HMGN5: variants seen among roughly 807,000 people sequenced by gnomAD.
HMGN5 encodes high mobility group nucleosome binding domain 5.
HMGN5 carries 4 observed loss-of-function variants against 9.5 expected under a neutral mutation model. The observed-to-expected ratio is 0.42, with a 90% CI of 0.21 to 0.96. HMGN5 has a LOEUF of 0.96. Ranked by LOEUF, HMGN5 falls within the 40% of genes least tolerant of loss-of-function variation. HMGN5 has a pLI of 0.30. For synonymous variants in HMGN5, 55 were observed against 57.1 expected (o/e 0.96, Z 0.16); for missense variants, 192 against 187.5 (o/e 1.02, Z -0.14).
At chrX:81,139,026 T>A (rs1430605134) in intron 1 of HMGN5, among the ~76,000 whole-genome samples, 1 of 112,081 alleles carries the variant, frequency 8.9e-6, no homozygotes, top group Non-Finnish European at 1.9e-5. Context: ...ACTCAGTATA[T>A]AAAAGATGTC....
chrX:81,171,645 T>A (rs778339197), intron 1 of HMGN5, among the ~76,000 whole-genome samples: 2 of 111,901 alleles, frequency 1.8e-5, no homozygotes, highest in East Asian at 5.6e-4. Context: ...GTTAAAGGTA[T>A]ACAACTGGAA....
At chrX:81,144,454 C>A (rs1395499808) in intron 1 of HMGN5, among the ~76,000 whole-genome samples, 1 of 110,408 alleles carries the variant, frequency 9.1e-6, no homozygotes, top group Admixed American at 9.7e-5. Context: ...ATAGCATCAA[C>A]ATCAACAAAA....
Position 81,118,488 on chromosome X carries a change from G to T in HMGN5, c.76-3C>A, listed in dbSNP as rs763468072. The T allele has an allele frequency of 8.6e-7, 1 of 1,168,529 alleles. No individual in the cohort carries two copies. Among genetic ancestry groups the T allele is most frequent in the Admixed American group, 2.4e-5 (1 of 41,571 alleles). On this transcript the variant is annotated splice_region_variant and splice_polypyrimidine_tract_variant and intron_variant, in intron 4 of 6. Coordinates refer to ENST00000358130, the MANE Select transcript of HMGN5 (RefSeq NM_030763.3). Reference sequence around the variant, plus strand: ...TCTGGTGTAACTGGCACAAGCATCTGCTTCAAGTTGTGGGAAAAGAAAAGA... The same window carrying T: ...TCTGGTGTAACTGGCACAAGCATCTTCTTCAAGTTGTGGGAAAAGAAAAGA...
intron 1 of HMGN5, among the ~76,000 whole-genome samples, chrX:81,186,835 A>G (rs2075478896): frequency 9.0e-6 from 1 of 111,506 alleles, no homozygotes; most frequent in Non-Finnish European, 1.9e-5. Flanking sequence ...TAGCACTTAC[A>G]GCTATACACT....
intron 1 of HMGN5, among the ~76,000 whole-genome samples, chrX:81,165,192 A>G (rs1473126595): frequency 9.0e-6 from 1 of 111,107 alleles, no homozygotes; most frequent in Non-Finnish European, 1.9e-5. Flanking sequence ...ATTCCCATGG[A>G]TTCAATTACT....
chrX:81,193,782 A>C (rs1438548672), intron 1 of HMGN5, among the ~76,000 whole-genome samples: 2 of 112,332 alleles, frequency 1.8e-5, no homozygotes, highest in Non-Finnish European at 3.8e-5. Flanking sequence ...ATACAAGGTC[A>C]ACATACTATA....
At chrX:81,185,984 G>A (rs989477892) in intron 1 of HMGN5, among the ~76,000 whole-genome samples, 17 of 111,696 alleles carry the variant, frequency 1.5e-4, no homozygotes, top group African/African-American at 5.5e-4. Context: ...GATCATGAAT[G>A]ATATTTTTAA....
intron 1 of HMGN5, among the ~76,000 whole-genome samples, chrX:81,178,772 C>T (rs376321055): frequency 9.0e-6 from 1 of 111,659 alleles, no homozygotes; most frequent in East Asian, 2.8e-4. Context: ...AGACCAACAT[C>T]CCTAATGAAT....
intron 1 of HMGN5, among the ~76,000 whole-genome samples, chrX:81,188,293 T>G (rs959845831): frequency 3.9e-5 from 4 of 103,383 alleles, no homozygotes; most frequent in African/African-American, 1.4e-4. Context: ...ATTATTATTA[T>G]TATTATTATT....
rs1399121674 is a variant in HMGN5 at position 81,190,551 on chromosome X, C to A, written c.-124+11186G>T. Among the ~76,000 whole-genome samples the A allele has an allele frequency of 6.3e-5, 7 of 111,315 alleles. No individual in the cohort carries two copies. In the Admixed American group the frequency reaches 6.7e-4, roughly 11 times the overall value. On this transcript the variant is annotated intron_variant, in intron 1 of 6. Coordinates refer to ENST00000358130, the MANE Select transcript of HMGN5 (RefSeq NM_030763.3). Reference sequence around the variant, plus strand: ...CTCTATCTAAATAAATTTTCATATTCTCTGTAAGAAATTTGTTAATTTTAA... The same window carrying A: ...CTCTATCTAAATAAATTTTCATATTATCTGTAAGAAATTTGTTAATTTTAA...
At chrX:81,166,429 G>C (rs995548742) in intron 1 of HMGN5, among the ~76,000 whole-genome samples, 6 of 111,644 alleles carry the variant, frequency 5.4e-5, no homozygotes, top group Non-Finnish European at 1.1e-4. Context: ...AATTACTATG[G>C]CTGATATAAG....
intron 1 of HMGN5, among the ~76,000 whole-genome samples, chrX:81,166,946 T>C (rs1189041779): frequency 1.8e-5 from 2 of 111,434 alleles, no homozygotes; most frequent in Non-Finnish European, 3.8e-5. Context: ...TTGGTCTTTA[T>C]TGTCTCCGAC....
At chrX:81,129,236 C>T (rs1015669629) in intron 1 of HMGN5, among the ~76,000 whole-genome samples, 1 of 111,722 alleles carries the variant, frequency 9.0e-6, no homozygotes, top group Non-Finnish European at 1.9e-5. Flanking sequence ...CAAGAACTGG[C>T]ACTGGAGAGC....
intron 1 of HMGN5, among the ~76,000 whole-genome samples, chrX:81,187,199 T>G (rs2147648596): frequency 8.9e-6 from 1 of 111,814 alleles, no homozygotes; most frequent in Admixed American, 9.5e-5. Context: ...TTCTGTAAAT[T>G]TCTGTTAGTT....
intron 1 of HMGN5, among the ~76,000 whole-genome samples, chrX:81,170,843 C>A (rs1452609378): frequency 1.8e-5 from 2 of 110,937 alleles, no homozygotes; most frequent in Non-Finnish European, 3.8e-5. Context: ...CTCAATCCTT[C>A]CAGCAACCCT....
intron 1 of HMGN5, among the ~76,000 whole-genome samples, chrX:81,185,223 C>A (rs1364880746): frequency 8.9e-6 from 1 of 111,858 alleles, no homozygotes; most frequent in Non-Finnish European, 1.9e-5. Flanking sequence ...AATATTTTAA[C>A]AATATTAATT....
At chrX:81,147,512 C>A (rs754916913) in intron 1 of HMGN5, among the ~76,000 whole-genome samples, 1 of 111,491 alleles carries the variant, frequency 9.0e-6, no homozygotes, top group Non-Finnish European at 1.9e-5. Context: ...ATGACAAACC[C>A]ACAGCCAATA....
chrX:81,123,730 T>C (rs933072056), intron 1 of HMGN5, among the ~76,000 whole-genome samples: 1 of 112,336 alleles, frequency 8.9e-6, no homozygotes, highest in African/African-American at 3.2e-5. Context: ...TTTAAGGAAT[T>C]TTATAATTTT....
intron 1 of HMGN5, among the ~76,000 whole-genome samples, chrX:81,133,233 G>A (rs959777651): frequency 7.2e-5 from 8 of 111,407 alleles, no homozygotes; most frequent in South Asian, 3.7e-4. Flanking sequence ...TGGAGAAAAA[G>A]GAACGCTTAT....
Sources: allele counts gnomAD v4.1 joint callset (sites outside exome capture counted in the v4.1 genomes callset), GRCh38; gene constraint gnomAD v4.1.1; transcripts MANE v1.5; gene names NCBI Gene and HGNC (gene_info 2026-07-23, HGNC 2026-07-21).